The following IGF2BP3 variants were observed in gnomAD, a reference collection of about 807,000 sequenced individuals.
IGF2BP3 encodes insulin like growth factor 2 mRNA binding protein 3.
IGF2BP3 carries 9 observed loss-of-function variants against 73.8 expected under a neutral mutation model. That is an observed-to-expected ratio of 0.12 (90% CI 0.07 to 0.21). The LOEUF (loss-of-function observed/expected upper bound fraction) is 0.21. Among genes scored for constraint, IGF2BP3 ranks in the 10% least tolerant of loss-of-function variants. The pLI is 1.00. For missense variants in IGF2BP3, 542 were observed against 714.0 expected (o/e 0.76, Z 2.75); for synonymous variants, 258 against 256.7 (o/e 1.01, Z -0.05).
chr7:23,410,545 T>C (rs1169240266), intron 3 of IGF2BP3, among the ~76,000 whole-genome samples: 2 of 152,184 alleles, frequency 1.3e-5, no homozygotes, highest in Non-Finnish European at 2.9e-5. Context: ...AACTCTGGTA[T>C]TCCCCTTGCA....
At position 23,392,433 on chromosome 7, in the gene IGF2BP3, C is replaced by CATATATATATAT. The variant is rs141882109; in HGVS notation, c.285+26331_285+26342dup. On this transcript the variant is annotated intron_variant, in intron 3 of 14. Coordinates refer to ENST00000258729, the MANE Select transcript of IGF2BP3 (RefSeq NM_006547.3). ...AAAAAAGACAAGGACAGCTTATCAT[C>CATATATATATAT]ATATATATATATATATATACACACA... Among the ~76,000 whole-genome samples the CATATATATATAT allele has an allele frequency of 2.4e-4, 34 of 141,940 alleles. 1 individual carries two copies. The East Asian group carries it at 3.6e-3, about 15-fold the overall frequency. 93.1% of individuals were successfully genotyped at this position (141,940 alleles called of 152,430 possible).
intron 3 of IGF2BP3, among the ~76,000 whole-genome samples, chr7:23,405,593 C>T (rs1584001092): frequency 6.6e-6 from 1 of 152,166 alleles, no homozygotes; most frequent in African/African-American, 2.4e-5. Context: ...GCCTGAGCCC[C>T]GCCTCCTGTC....
At chr7:23,383,691 T>C (rs762490322) in intron 3 of IGF2BP3, among the ~76,000 whole-genome samples, 5 of 152,154 alleles carry the variant, frequency 3.3e-5, no homozygotes, top group Admixed American at 6.5e-5. Context: ...TTAATGTACA[T>C]AGAAGCATTA....
intron 2 of IGF2BP3, among the ~76,000 whole-genome samples, chr7:23,438,871 T>TA (rs1485363066): frequency 1.3e-5 from 2 of 152,056 alleles, no homozygotes; most frequent in Non-Finnish European, 2.9e-5. Context: ...ACTGAGATGC[T>TA]AAAAAAAATT....
At chr7:23,318,924 A>G (rs185288655) in intron 11 of IGF2BP3, among the ~76,000 whole-genome samples, 23 of 152,316 alleles carry the variant, frequency 1.5e-4, no homozygotes, top group Admixed American at 1.3e-3. Flanking sequence ...GGCAGAGCCA[A>G]CACCCAGCCC....
At chr7:23,403,277 G>C (rs904724626) in intron 3 of IGF2BP3, among the ~76,000 whole-genome samples, 1 of 151,998 alleles carries the variant, frequency 6.6e-6, no homozygotes, top group Non-Finnish European at 1.5e-5. Flanking sequence ...CACCAGTATT[G>C]GTCCACTGAG....
intron 5 of IGF2BP3, among the ~76,000 whole-genome samples, chr7:23,358,015 T>C (rs1462000576): frequency 1.3e-5 from 2 of 152,194 alleles, no homozygotes; most frequent in Admixed American, 6.5e-5. Context: ...CAATCAAACA[T>C]GTTGGAAAAA....
intron 2 of IGF2BP3, among the ~76,000 whole-genome samples, chr7:23,436,153 A>C (rs546023940): frequency 2.0e-4 from 31 of 152,368 alleles, no homozygotes; most frequent in Admixed American, 2.0e-3. Context: ...TTAACCAATC[A>C]TAATGGAAGA....
rs1783836215 is a variant in IGF2BP3, at chr7:23,311,754, A to G, written c.*608T>C. On this transcript the variant is annotated 3_prime_UTR_variant, in exon 15 of 15. Transcript: ENST00000258729. ...TTATAAAGTATATAAAATTTTCAAAAAAAAGGAACAATTTTGCTTTTCATT... is the reference window on the plus strand; with the variant it reads ...TTATAAAGTATATAAAATTTTCAAAGAAAAGGAACAATTTTGCTTTTCATT... 6.6e-6 allele frequency: 1 copy of G among 152,636 alleles called. No homozygotes were observed. The highest frequency in any genetic ancestry group is 1.5e-5 in the Non-Finnish European group (1 of 68,042). 9.5% of individuals were successfully genotyped at this position (152,636 alleles called of 1,614,324 possible). A position where few individuals can be genotyped will look rare whatever the true frequency, so the allele number is the denominator to read the frequency against.
At chr7:23,322,984 C>A (rs1394278258) in intron 10 of IGF2BP3, among the ~76,000 whole-genome samples, 4 of 152,130 alleles carry the variant, frequency 2.6e-5, no homozygotes. Flanking sequence ...AACGTAAAGA[C>A]CATCAAGACT....
chr7:23,370,397 T>A (rs1785508025), intron 3 of IGF2BP3, among the ~76,000 whole-genome samples: 1 of 152,198 alleles, frequency 6.6e-6, no homozygotes, highest in Admixed American at 6.5e-5. Flanking sequence ...TATTTGACTG[T>A]TACATTTGCC....
chr7:23,435,037 T>C (rs1262539825), intron 2 of IGF2BP3, among the ~76,000 whole-genome samples: 6 of 152,110 alleles, frequency 3.9e-5, no homozygotes, highest in Non-Finnish European at 8.8e-5. Flanking sequence ...GGCTCCTGCC[T>C]GTAATCCTAG....
chr7:23,364,816 G>A (rs1785327540), intron 3 of IGF2BP3, among the ~76,000 whole-genome samples: 1 of 152,022 alleles, frequency 6.6e-6, no homozygotes, highest in Non-Finnish European at 1.5e-5. Flanking sequence ...GGAGGTGGGG[G>A]TAGCGGAGGG....
intron 2 of IGF2BP3, among the ~76,000 whole-genome samples, chr7:23,454,357 G>A (rs1788267439): frequency 1.3e-5 from 2 of 151,998 alleles, no homozygotes; most frequent in South Asian, 4.1e-4. Flanking sequence ...TATTCACAGT[G>A]CATAACCCAT....
At chr7:23,343,618 C>G in intron 9 of IGF2BP3, 100 bp downstream of exon 9, 1 of 1,163,318 alleles carries the variant, frequency 8.6e-7, no homozygotes, top group Non-Finnish European at 1.3e-6. Context: ...AGAACTACTT[C>G]TAGTGATAAT....
chr7:23,335,102 A>T (rs912998534), intron 10 of IGF2BP3, among the ~76,000 whole-genome samples: 1 of 150,290 alleles, frequency 6.7e-6, no homozygotes, highest in African/African-American at 2.4e-5. Context: ...AAAAAGGCAA[A>T]GAAAGTTTTT....
intron 3 of IGF2BP3, among the ~76,000 whole-genome samples, chr7:23,361,992 T>C (rs1224498442): frequency 6.6e-6 from 1 of 152,200 alleles, no homozygotes; most frequent in Non-Finnish European, 1.5e-5. Context: ...CAGAAAAGTA[T>C]GCAAAGCCAC....
intron 3 of IGF2BP3, among the ~76,000 whole-genome samples, chr7:23,399,340 A>G (rs1227347683): frequency 6.6e-6 from 1 of 151,992 alleles, no homozygotes; most frequent in Non-Finnish European, 1.5e-5. Context: ...ACATGTATAC[A>G]TATGTAACCT....
In IGF2BP3 at chr7:23,312,070, T is replaced by G; in HGVS notation, c.*292A>C. On this transcript the variant is annotated 3_prime_UTR_variant, in exon 15 of 15. Transcript: ENST00000258729. ...AGAAGAATTAGAATATCTGTTATAC[T>G]GTGAGACTACAACAAAGGGAAGTGC... 2.7e-6 allele frequency: 1 copy of G among 366,748 alleles called. No individual in the cohort carries two copies. Among genetic ancestry groups the G allele is most frequent in the East Asian group, 4.5e-5 (1 of 22,096 alleles). The allele number at this position is 366,748 out of a possible 1,614,324, so 22.7% of individuals were successfully genotyped here. A position where few individuals can be genotyped will look rare whatever the true frequency, so the allele number is the denominator to read the frequency against.
Sources: allele counts gnomAD v4.1 joint callset (sites outside exome capture counted in the v4.1 genomes callset), GRCh38; gene constraint gnomAD v4.1.1; transcripts MANE v1.5; gene names NCBI Gene and HGNC (gene_info 2026-07-23, HGNC 2026-07-21).